Variants in GNAQ observed in about 807,000 individuals in gnomAD.
GNAQ encodes G protein subunit alpha q.
GNAQ carries 8 observed loss-of-function variants against 43.9 expected under a neutral mutation model. The ratio of observed to expected loss-of-function variants is 0.18; its 90% CI spans 0.11 to 0.33. GNAQ has a LOEUF of 0.33. Ranked by LOEUF, GNAQ falls within the 10% of genes least tolerant of loss-of-function variation. The pLI is 1.00. For missense variants in GNAQ, 158 were observed against 450.8 expected (o/e 0.35, Z 5.88); for synonymous variants, 155 against 170.7 (o/e 0.91, Z 0.71).
chr9:77,739,228 G>A (rs1825616451), intron 5 of GNAQ, among the ~76,000 whole-genome samples: 1 of 152,074 alleles, frequency 6.6e-6, no homozygotes, highest in Admixed American at 6.6e-5. Context: ...ACATCAAGGT[G>A]AAAAAATGAT....
At position 78,030,738 on chromosome 9, in the gene GNAQ, C is replaced by A. The variant is rs1046408773; in HGVS notation, c.136+362G>T. ...GACACTGGAAGTTCAACCCCTCTGC[C>A]CACCTTTCCACCCCCGCGCCTCTGG... On this transcript the variant is annotated intron_variant, in intron 1 of 6. Transcript: ENST00000286548. The A allele has an allele frequency of 7.0e-5, 26 of 369,988 alleles. 1 individual carries two copies. Among genetic ancestry groups the A allele is most frequent in the South Asian group, 5.4e-4 (26 of 47,734 alleles). The allele number at this position is 369,988 out of a possible 1,614,324, so 22.9% of individuals were successfully genotyped here. A position where few individuals can be genotyped will look rare whatever the true frequency, so the allele number is the denominator to read the frequency against.
At chr9:78,006,243 TAAAAC>T in intron 1 of GNAQ, among the ~76,000 whole-genome samples, 1 of 152,162 alleles carries the variant, frequency 6.6e-6, no homozygotes. Flanking sequence ...TAACACAACA[TAAAAC>T]AAATCCATTA....
At chr9:77,912,696 G>T (rs1488937270) in intron 2 of GNAQ, among the ~76,000 whole-genome samples, 1 of 152,054 alleles carries the variant, frequency 6.6e-6, no homozygotes, top group African/African-American at 2.4e-5. Context: ...TGAGAAATCA[G>T]ACAAGCCAAT....
At chr9:78,023,617 GC>G (rs1165591549) in intron 1 of GNAQ, among the ~76,000 whole-genome samples, 2 of 151,108 alleles carry the variant, frequency 1.3e-5, no homozygotes, top group African/African-American at 4.9e-5. Context: ...TCACCCTGTT[GC>G]CCCTACAGTA....
chr9:77,953,304 C>T (rs932863077), intron 1 of GNAQ, among the ~76,000 whole-genome samples: 23 of 152,200 alleles, frequency 1.5e-4, no homozygotes, highest in African/African-American at 5.5e-4. Flanking sequence ...AGTGCAAGAA[C>T]CCCTAATTAG....
chr9:77,831,224 T>A (rs1370787425), intron 2 of GNAQ, among the ~76,000 whole-genome samples: 10 of 152,218 alleles, frequency 6.6e-5, no homozygotes, highest in East Asian at 5.8e-4. Context: ...AATCATTTTT[T>A]AAAAAAGAAT....
intron 5 of GNAQ, among the ~76,000 whole-genome samples, chr9:77,751,065 C>T (rs374629069): frequency 3.3e-5 from 5 of 152,246 alleles, no homozygotes; most frequent in African/African-American, 7.2e-5. Flanking sequence ...AATCTTTCCC[C>T]GCTTTATAGA....
chr9:77,931,321 G>A (rs1171011915), intron 1 of GNAQ, among the ~76,000 whole-genome samples: 2 of 151,740 alleles, frequency 1.3e-5, no homozygotes, highest in African/African-American at 2.4e-5. Context: ...CACTGGGTGC[G>A]GTGGCTCACG....
At chr9:77,848,925 G>A (rs17724838) in intron 2 of GNAQ, among the ~76,000 whole-genome samples, 1,800 of 152,298 alleles carry the variant, frequency 0.012, 21 homozygotes, top group Non-Finnish European at 0.019. Flanking sequence ...AGTTAGAGAA[G>A]ACACCGTTCT....
intron 1 of GNAQ, among the ~76,000 whole-genome samples, chr9:78,002,048 A>G (rs1196700406): frequency 1.3e-5 from 2 of 152,232 alleles, no homozygotes; most frequent in African/African-American, 4.8e-5. Flanking sequence ...TTGTCAATAT[A>G]AGGCCATTAA....
At chr9:77,928,848 C>T (rs920118362) in intron 1 of GNAQ, among the ~76,000 whole-genome samples, 3 of 151,922 alleles carry the variant, frequency 2.0e-5, no homozygotes, top group African/African-American at 4.8e-5. Context: ...GGTGAAACCC[C>T]GTCTCTACTA....
chr9:77,967,940 A>G (rs1006983442), intron 1 of GNAQ, among the ~76,000 whole-genome samples: 1 of 152,188 alleles, frequency 6.6e-6, no homozygotes, highest in Non-Finnish European at 1.5e-5. Flanking sequence ...AGATCATACC[A>G]TTGCACTCCA....
At chr9:77,788,200 G>A (rs1193628914) in intron 5 of GNAQ, among the ~76,000 whole-genome samples, 1 of 152,078 alleles carries the variant, frequency 6.6e-6, no homozygotes, top group African/African-American at 2.4e-5. Flanking sequence ...ACTCCTTAGG[G>A]GTTGGGGTGA....
At chr9:77,817,569 TAAGAA>T (rs1270284738) in intron 2 of GNAQ, among the ~76,000 whole-genome samples, 1 of 152,134 alleles carries the variant, frequency 6.6e-6, no homozygotes, top group African/African-American at 2.4e-5. Context: ...TCTGTGTTCA[TAAGAA>T]AAGGCAATTA....
intron 2 of GNAQ, among the ~76,000 whole-genome samples, chr9:77,899,127 T>G (rs1419163359): frequency 6.6e-6 from 1 of 152,156 alleles, no homozygotes; most frequent in East Asian, 1.9e-4. Flanking sequence ...GACAAGGTCT[T>G]GTTCTGTCGC....
chr9:77,808,236 T>G (rs1358332583), intron 3 of GNAQ, among the ~76,000 whole-genome samples: 1 of 151,858 alleles, frequency 6.6e-6, no homozygotes, highest in Non-Finnish European at 1.5e-5. Context: ...GTAATGAAGG[T>G]TAGAGTAGAG....
At chr9:78,009,632 AAT>A (rs1823749738) in intron 1 of GNAQ, among the ~76,000 whole-genome samples, 1 of 152,200 alleles carries the variant, frequency 6.6e-6, no homozygotes, top group Non-Finnish European at 1.5e-5. Flanking sequence ...TATTAACAAA[AAT>A]AGTTGTTTTT....
At chr9:77,935,188 T>C (rs1387885675) in intron 1 of GNAQ, among the ~76,000 whole-genome samples, 1 of 152,128 alleles carries the variant, frequency 6.6e-6, no homozygotes, top group Non-Finnish European at 1.5e-5. Context: ...AAAAAGAGCA[T>C]GATTAGAACA....
In GNAQ at chr9:77,716,568, C is replaced by T. The variant is rs1376859013; in HGVS notation, c.*4755G>A. 1 of 232,676 alleles carries T rather than the reference C, an allele frequency of 4.3e-6. No individual in the cohort carries two copies. The highest frequency in any genetic ancestry group is 8.5e-6 in the Non-Finnish European group (1 of 117,814). The allele number at this position is 232,676 out of a possible 1,614,324, so 14.4% of individuals were successfully genotyped here. A position where few individuals can be genotyped will look rare whatever the true frequency, so the allele number is the denominator to read the frequency against. On this transcript the variant is annotated 3_prime_UTR_variant, in exon 7 of 7. Coordinates refer to ENST00000286548, the MANE Select transcript of GNAQ (RefSeq NM_002072.5). Reference sequence around the variant, plus strand: ...TTGAGGAAAAGAAATCCACCAAAAACGTGTTTCAGTCAAAGTAACCTGGAC... The same window carrying T: ...TTGAGGAAAAGAAATCCACCAAAAATGTGTTTCAGTCAAAGTAACCTGGAC...
Sources: gnomAD v4.1 joint callset for allele counts (sites outside exome capture counted in the v4.1 genomes callset) on GRCh38, gnomAD v4.1.1 for gene constraint, MANE v1.5 for transcripts, NCBI Gene and HGNC (gene_info 2026-07-23, HGNC 2026-07-21) for gene names.